AFAP1L2: variants seen among roughly 807,000 people sequenced by gnomAD.
AFAP1L2 encodes the protein actin filament-associated protein 1-like 2.
AFAP1L2 carries 46 observed loss-of-function variants against 99.3 expected under a neutral mutation model. The observed-to-expected ratio is 0.46, with a 90% CI of 0.37 to 0.59. AFAP1L2 has a LOEUF of 0.59. Ranked by LOEUF, AFAP1L2 falls within the 20% of genes least tolerant of loss-of-function variation. AFAP1L2 has a pLI of 0.00. For synonymous variants in AFAP1L2, 397 were observed against 419.1 expected (o/e 0.95, Z 0.64); for missense variants, 959 against 1,034.9 (o/e 0.93, Z 1.01).
the AFAP1L2 span, chr10:114,289,371 G>T: frequency 1.9e-6 from 3 of 1,614,236 alleles, no homozygotes; most frequent in Non-Finnish European, 2.5e-6. Context: ...TGGGCGTGGG[G>T]CCTGTCCTAA....
At position 114,342,157 on chromosome 10, in the gene AFAP1L2, G is replaced by T. The variant is rs1564925656; in HGVS notation, c.17-1426C>A. Among the ~76,000 whole-genome samples, 3 of 152,260 alleles carry T rather than the reference G, an allele frequency of 2.0e-5. No homozygotes were observed. The South Asian group carries it at 6.2e-4, about 32-fold the overall frequency. ...GATTGCTTTCAGGTGTTTTCTATGA[G>T]GAGACTGCCTTTCTCTGGCACTAGC... On this transcript the variant is annotated intron_variant, in intron 1 of 18. Coordinates refer to ENST00000304129, the MANE Select transcript of AFAP1L2 (RefSeq NM_001001936.3).
At chr10:114,345,827 C>A (rs1435831507) in intron 1 of AFAP1L2, among the ~76,000 whole-genome samples, 1 of 152,110 alleles carries the variant, frequency 6.6e-6, no homozygotes, top group Non-Finnish European at 1.5e-5. Context: ...AGACATGAGA[C>A]AGGGAGAGCC....
chr10:114,320,436 G>T (rs2045011660), intron 5 of AFAP1L2, among the ~76,000 whole-genome samples: 1 of 152,242 alleles, frequency 6.6e-6, no homozygotes, highest in Non-Finnish European at 1.5e-5. Context: ...CACACTGTTT[G>T]ACCAGGCAGG....
intron 1 of AFAP1L2, among the ~76,000 whole-genome samples, chr10:114,379,424 G>A (rs947810228): frequency 6.6e-6 from 1 of 152,028 alleles, no homozygotes; most frequent in Non-Finnish European, 1.5e-5. Flanking sequence ...AGGTCACACT[G>A]ACCTGGACTA....
intron 18 of AFAP1L2, 85 bp downstream of exon 18, chr10:114,296,893 C>T (rs967037008): frequency 6.2e-7 from 1 of 1,607,254 alleles, no homozygotes; most frequent in Non-Finnish European, 8.5e-7. Flanking sequence ...CCAAAAGCCA[C>T]AAAGCACCAC....
chr10:114,293,328 A>C (rs1446368841), downstream of AFAP1L2, among the ~76,000 whole-genome samples: 1 of 152,222 alleles, frequency 6.6e-6, no homozygotes, highest in Non-Finnish European at 1.5e-5. Flanking sequence ...TAGCAGTTTA[A>C]CCATGTTATA....
chr10:114,340,903 C>T, intron 1 of AFAP1L2, 172 bp from the exon 2 acceptor site: 1 of 849,310 alleles, frequency 1.2e-6, no homozygotes, highest in Non-Finnish European at 1.9e-6. Context: ...ATGGGATTCT[C>T]AGCTCCAGGG....
At position 114,310,758 on chromosome 10, in the gene AFAP1L2, C is replaced by T. The variant is rs556558062; in HGVS notation, c.793-315G>A. Among the ~76,000 whole-genome samples the T allele has an allele frequency of 7.2e-5, 11 of 152,098 alleles. No individual in the cohort carries two copies. In the East Asian group the frequency reaches 1.6e-3, roughly 22 times the overall value. ...CCAGAGCCACCAGCCCAGGGCTCCG[C>T]GAGCCCCTTTCCTGCCACCATTCCA... On this transcript the variant is annotated intron_variant, in intron 7 of 18. Transcript: ENST00000304129.
chr10:114,298,881 G>GA (rs1244041973), intron 16 of AFAP1L2, among the ~76,000 whole-genome samples: 2 of 152,196 alleles, frequency 1.3e-5, no homozygotes, highest in Non-Finnish European at 2.9e-5. Context: ...AGGATGACAT[G>GA]AGACTCCAGT....
chr10:114,391,280 T>G (rs896293998), intron 1 of AFAP1L2, among the ~76,000 whole-genome samples: 1 of 152,116 alleles, frequency 6.6e-6, no homozygotes, highest in East Asian at 1.9e-4. Flanking sequence ...AGTGCAGTAG[T>G]GAGATCTCAG....
chr10:114,292,451 TTTAA>T (rs935401497), downstream of AFAP1L2, among the ~76,000 whole-genome samples: 3 of 151,884 alleles, frequency 2.0e-5, no homozygotes, highest in African/African-American at 4.8e-5. Flanking sequence ...CTGTCTAGGT[TTTAA>T]TTTTGTTTTG....
At position 114,300,343 on chromosome 10, in the gene AFAP1L2, G is replaced by A. The variant is rs2040920534; in HGVS notation, c.1808C>T (p.Pro603Leu). The A allele has an allele frequency of 1.9e-6, 3 of 1,614,076 alleles. No homozygotes were observed. Among genetic ancestry groups the A allele is most frequent in the Non-Finnish European group, 2.5e-6 (3 of 1,180,030 alleles). ...LGEQQLESLE[P>L]EDPSLRITTV... ...GGTGATTCTCAGGGAAGGATCCTCT[G>A]GCTCCAAACTCTCCAGCTGCTTTGG... The change falls in exon 15 of 19, where the codon CCA (proline) becomes CTA (leucine). Residue 603 changes from proline (P) to leucine (L), a missense_variant. Pro to Leu is a moderately conservative substitution (Grantham distance 98). This residue lies in a region of AFAP1L2 where 576 missense variants were observed against 562.1 expected (regional missense o/e 1.02). Transcript: ENST00000304129.
At chr10:114,310,715 A>G (rs555861071) in intron 7 of AFAP1L2, among the ~76,000 whole-genome samples, 1 of 152,288 alleles carries the variant, frequency 6.6e-6, no homozygotes, top group Non-Finnish European at 1.5e-5. Context: ...GGGCCTTGGC[A>G]GCAAAGGCCA....
At chr10:114,319,670 C>G (rs750517883) in intron 5 of AFAP1L2, 1 of 1,282,160 alleles carries the variant, frequency 7.8e-7, no homozygotes. Flanking sequence ...GGAGCACAGA[C>G]AGAGGGAAGA....
chr10:114,315,381 C>T (rs2043954388), intron 6 of AFAP1L2, among the ~76,000 whole-genome samples, 179 bp downstream of exon 6: 1 of 152,184 alleles, frequency 6.6e-6, no homozygotes, highest in African/African-American at 2.4e-5. Flanking sequence ...AGAAAAAGTA[C>T]ATTCATCCAT....
chr10:114,284,944 T>C, the AFAP1L2 span: 1 of 1,603,798 alleles, frequency 6.2e-7, no homozygotes, highest in Non-Finnish European at 8.5e-7. Flanking sequence ...CTCTGCCCGC[T>C]GGCCTTTGGA....
intron 10 of AFAP1L2, among the ~76,000 whole-genome samples, chr10:114,305,665 GCA>G (rs2134233843): frequency 6.9e-6 from 1 of 144,598 alleles, no homozygotes; most frequent in South Asian, 2.2e-4. Flanking sequence ...AGGAGGGGAT[GCA>G]GGTGCAGGAG....
intron 5 of AFAP1L2, among the ~76,000 whole-genome samples, chr10:114,321,462 T>C (rs756028649): frequency 3.9e-5 from 6 of 152,208 alleles, no homozygotes; most frequent in African/African-American, 7.2e-5. Context: ...TGAGTAGTAT[T>C]CTGTGGTGTG....
chr10:114,302,157 C>T, intron 12 of AFAP1L2, 182 bp downstream of exon 12: 1 of 923,244 alleles, frequency 1.1e-6, no homozygotes, highest in Non-Finnish European at 1.6e-6. Context: ...TTGCTCTTAG[C>T]TCAGCTCCTG....
Sources: gnomAD v4.1 joint callset for allele counts (sites outside exome capture counted in the v4.1 genomes callset) on GRCh38, gnomAD v4.1.1 for gene constraint, gnomAD v4.1.1 regional missense constraint, MANE v1.5 for transcripts, NCBI Gene and HGNC (gene_info 2026-07-23, HGNC 2026-07-21) for gene names.